Variants in CAPRIN1 observed in about 807,000 individuals in gnomAD.
CAPRIN1 encodes the protein cell cycle associated protein 1.
CAPRIN1 carries 29 observed loss-of-function variants against 100.9 expected under a neutral mutation model. That is an observed-to-expected ratio of 0.29 (90% CI 0.21 to 0.39). CAPRIN1 has a LOEUF of 0.39. CAPRIN1 is among the 10% of genes least tolerant of loss of function. The pLI, the probability that CAPRIN1 is intolerant of heterozygous loss-of-function variation, is 1.00. For synonymous variants in CAPRIN1, 338 were observed against 307.5 expected (o/e 1.10, Z -1.04); for missense variants, 795 against 876.7 (o/e 0.91, Z 1.18).
intron 2 of CAPRIN1, chr11:34,056,699 GAT>G (rs1850460112): frequency 6.6e-6 from 1 of 152,120 alleles, no homozygotes. Context: ...GACCTCATTT[GAT>G]ATTATTAGAT....
chr11:34,082,256 C>T (rs570116759), intron 7 of CAPRIN1, among the ~76,000 whole-genome samples: 21 of 152,154 alleles, frequency 1.4e-4, no homozygotes, highest in Admixed American at 7.2e-4. Context: ...GGCCTGATCT[C>T]GGCTCACTGC....
At chr11:34,058,984 A>C (rs1052714590) in intron 2 of CAPRIN1, among the ~76,000 whole-genome samples, 4 of 152,208 alleles carry the variant, frequency 2.6e-5, no homozygotes, top group African/African-American at 4.8e-5. Flanking sequence ...TGTATACAGT[A>C]TAGAAGAGTG....
chr11:34,077,431 TC>T (rs1850929961), intron 6 of CAPRIN1, among the ~76,000 whole-genome samples: 1 of 152,244 alleles, frequency 6.6e-6, no homozygotes, highest in African/African-American at 2.4e-5. Context: ...TTAATTTTTT[TC>T]TGTATTTAAA....
Position 34,084,378 on chromosome 11 carries a change from G to A in CAPRIN1, c.966+1337G>A, listed in dbSNP as rs187211831. Among the ~76,000 whole-genome samples, 29 of 152,282 alleles carry A rather than the reference G, an allele frequency of 1.9e-4. No individual in the cohort carries two copies. In the East Asian group the frequency reaches 4.6e-3, roughly 24 times the overall value. ...TACTTGGGATGAAAATACTGCTCAGGAAGTCCCAACAAAATAGTGTATATT... is the reference window on the plus strand; with the variant it reads ...TACTTGGGATGAAAATACTGCTCAGAAAGTCCCAACAAAATAGTGTATATT... On this transcript the variant is annotated intron_variant, in intron 9 of 18. Coordinates refer to ENST00000341394, the MANE Select transcript of CAPRIN1 (RefSeq NM_005898.5).
intron 7 of CAPRIN1, 44 bp from the exon 8 acceptor site, chr11:34,082,781 G>C: frequency 6.8e-7 from 1 of 1,475,808 alleles, no homozygotes; most frequent in South Asian, 1.2e-5. Context: ...TAGTATCACT[G>C]ACCTAAAAAT....
rs749673276 is a variant in CAPRIN1 at position 34,097,161 on chromosome 11, A to G, written c.1901-35A>G. The G allele has an allele frequency of 9.7e-6, 14 of 1,448,602 alleles. No individual in the cohort carries two copies. The East Asian group carries it at 1.4e-4, about 14-fold the overall frequency. 89.7% of individuals were successfully genotyped at this position (1,448,602 alleles called of 1,614,324 possible). On this transcript the variant is annotated intron_variant, in intron 16 of 18. Transcript: ENST00000341394. ...AAAAGTAAAAATTCCTTGTGAAGATAAGAAAATTATTTCTTTTCTTGTCCT... is the reference window on the plus strand; with the variant it reads ...AAAAGTAAAAATTCCTTGTGAAGATGAGAAAATTATTTCTTTTCTTGTCCT...
chr11:34,086,106 TCAGTAC>T lies in CAPRIN1; in HGVS notation c.1013_1018del (p.Val338_Pro339del), dbSNP rs753054515. 1.9e-6 allele frequency: 3 copies of T among 1,613,920 alleles called. No individual in the cohort carries two copies. The South Asian group carries it at 3.3e-5, about 18-fold the overall frequency. Reference sequence around the variant, plus strand: ...GCAGCAACCTCAGGCTGCATCCCCTTCAGTACCAGAGCCCCACTCTTTGACTCCAGT... The same window carrying T: ...GCAGCAACCTCAGGCTGCATCCCCTTCAGAGCCCCACTCTTTGACTCCAGT... On this transcript the variant is annotated inframe_deletion, in exon 10 of 19. Transcript: ENST00000341394.
intron 2 of CAPRIN1, chr11:34,052,951 A>C: frequency 1.0e-5 from 12 of 1,201,942 alleles, no homozygotes; most frequent in African/African-American, 4.9e-5. Flanking sequence ...GCCTGTCGTC[A>C]GGACTTCACT....
chr11:34,086,665 A>G (rs1218921275), intron 11 of CAPRIN1, among the ~76,000 whole-genome samples: 1 of 152,236 alleles, frequency 6.6e-6, no homozygotes, highest in East Asian at 1.9e-4. Flanking sequence ...ATGAGTTTTT[A>G]TAAACTGAAA....
chr11:34,076,145 A>T (rs780640409), intron 4 of CAPRIN1, 91 bp from the exon 5 acceptor site: 5 of 833,498 alleles, frequency 6.0e-6, no homozygotes, highest in Non-Finnish European at 9.7e-6. Flanking sequence ...CTCATTGAGT[A>T]AAACATGTTT....
chr11:34,079,905 G>GTTTTTT (rs377455073), intron 7 of CAPRIN1, 140 bp downstream of exon 7: 1 of 316,642 alleles, frequency 3.2e-6, no homozygotes. Flanking sequence ...GCATGACAAA[G>GTTTTTT]TTTTTTTTTT....
chr11:34,089,615 A>C lies in CAPRIN1; in HGVS notation c.1293+159A>C, dbSNP rs1182565885. Reference sequence around the variant, plus strand: ...GACACCATCTCTATTTTAAAAAAATAATTAAAAAATATTTTTTCACTTTTG... The same window carrying C: ...GACACCATCTCTATTTTAAAAAAATCATTAAAAAATATTTTTTCACTTTTG... On this transcript the variant is annotated intron_variant, in intron 12 of 18. Coordinates refer to ENST00000341394, the MANE Select transcript of CAPRIN1 (RefSeq NM_005898.5). 2.6e-5 allele frequency among the ~76,000 whole-genome samples: 4 copies of C among 152,136 alleles called. No homozygotes were observed. In the East Asian group the frequency reaches 7.7e-4, roughly 29 times the overall value.
At chr11:34,074,557 CTTCCTGTGT>C (rs1850870893) in intron 4 of CAPRIN1, among the ~76,000 whole-genome samples, 3 of 152,170 alleles carry the variant, frequency 2.0e-5, no homozygotes, top group African/African-American at 7.2e-5. Context: ...TCCTGTCCCT[CTTCCTGTGT>C]TTCCTGCCTC....
intron 9 of CAPRIN1, among the ~76,000 whole-genome samples, chr11:34,085,331 C>G (rs1228766485): frequency 6.6e-6 from 1 of 151,926 alleles, no homozygotes; most frequent in East Asian, 1.9e-4. Flanking sequence ...TGGGAAAAAC[C>G]CAAATCTTGA....
intron 15 of CAPRIN1, among the ~76,000 whole-genome samples, chr11:34,092,851 A>G (rs184090914): frequency 1.3e-5 from 2 of 152,060 alleles, no homozygotes; most frequent in Non-Finnish European, 2.9e-5. Flanking sequence ...TAATGTAGGT[A>G]GGGACGCTTT....
intron 7 of CAPRIN1, among the ~76,000 whole-genome samples, chr11:34,082,349 G>A (rs962285446): frequency 6.6e-6 from 1 of 151,776 alleles, no homozygotes; most frequent in African/African-American, 2.4e-5. Flanking sequence ...CACCATGCCC[G>A]GCTAATTTTT....
intron 9 of CAPRIN1, among the ~76,000 whole-genome samples, chr11:34,084,214 A>G (rs1453237250): frequency 6.6e-6 from 1 of 151,814 alleles, no homozygotes; most frequent in African/African-American, 2.4e-5. Context: ...TCAGCCTCCC[A>G]AAGTGCTGGG....
Position 34,097,351 on chromosome 11 carries a change from A to G in CAPRIN1, c.2001+55A>G, listed in dbSNP as rs184021320. The G allele has an allele frequency of 1.4e-5, 19 of 1,352,172 alleles. No individual in the cohort carries two copies. In the East Asian group the frequency reaches 4.4e-4, roughly 31 times the overall value. 83.8% of individuals were successfully genotyped at this position (1,352,172 alleles called of 1,614,324 possible). ...TGAACTAAATATACCAATGAAAGTG[A>G]CTTAGTGTTGTTGCTTAATGAACCT... On this transcript the variant is annotated intron_variant, in intron 17 of 18. Coordinates refer to ENST00000341394, the MANE Select transcript of CAPRIN1 (RefSeq NM_005898.5).
At chr11:34,097,103 A>T in intron 16 of CAPRIN1, 93 bp from the exon 17 acceptor site, 1 of 854,146 alleles carries the variant, frequency 1.2e-6, no homozygotes, top group Non-Finnish European at 1.9e-6. Flanking sequence ...AGCCTGGCTT[A>T]TAATTTCTAG....
Sources: gnomAD v4.1 joint callset for allele counts (sites outside exome capture counted in the v4.1 genomes callset) on GRCh38, gnomAD v4.1.1 for gene constraint, MANE v1.5 for transcripts, NCBI Gene and HGNC (gene_info 2026-07-23, HGNC 2026-07-21) for gene names.